Variants in FBXL17 observed in about 807,000 individuals in gnomAD.
FBXL17 encodes the protein F-box/LRR-repeat protein 17.
In FBXL17, 22 loss-of-function variants were observed where a neutral mutation model predicts 66.2. That is an observed-to-expected ratio of 0.33 (90% CI 0.24 to 0.47). The LOEUF (loss-of-function observed/expected upper bound fraction) is 0.47, where lower values mean the gene tolerates loss of function less well. FBXL17 is among the 20% of genes least tolerant of loss of function. FBXL17 has a pLI of 1.00. For missense variants in FBXL17, 878 were observed against 948.2 expected (o/e 0.93, Z 0.97); for synonymous variants, 474 against 400.5 (o/e 1.18, Z -2.19).
chr5:107,907,748 C>T (rs1321649864), intron 7 of FBXL17, among the ~76,000 whole-genome samples: 1 of 152,164 alleles, frequency 6.6e-6, no homozygotes, highest in Non-Finnish European at 1.5e-5. Context: ...CAATAAGATA[C>T]CATCTCACAC....
At chr5:108,083,116 A>G (rs1467327168) in intron 6 of FBXL17, among the ~76,000 whole-genome samples, 3 of 152,128 alleles carry the variant, frequency 2.0e-5, no homozygotes. Flanking sequence ...AAGAAGGTGT[A>G]AAATAGTAAA....
intron 7 of FBXL17, among the ~76,000 whole-genome samples, chr5:107,995,078 T>C (rs946202901): frequency 6.6e-6 from 1 of 152,178 alleles, no homozygotes; most frequent in South Asian, 2.1e-4. Context: ...TTTGTGAAGA[T>C]TCACTGAACT....
chr5:107,965,562 A>T (rs1490514429), intron 7 of FBXL17, among the ~76,000 whole-genome samples: 3 of 152,170 alleles, frequency 2.0e-5, no homozygotes, highest in African/African-American at 4.8e-5. Flanking sequence ...TCTCCAAGGT[A>T]TAGATAAGAT....
At chr5:108,222,672 CTTTT>C (rs34291617) in intron 5 of FBXL17, among the ~76,000 whole-genome samples, 5 of 117,394 alleles carry the variant, frequency 4.3e-5, no homozygotes, top group African/African-American at 6.4e-5. Context: ...ACTATGGCAT[CTTTT>C]TTTTTTTTTT....
intron 5 of FBXL17, among the ~76,000 whole-genome samples, chr5:108,200,515 TTTC>T (rs1753847730): frequency 6.6e-6 from 1 of 151,484 alleles, no homozygotes; most frequent in South Asian, 2.1e-4. Context: ...CCAAGTTTGT[TTTC>T]TTCTTTGAGC....
In FBXL17 at chr5:108,224,528, T is replaced by TACACACAC. The variant is rs138044828; in HGVS notation, c.1507-308_1507-301dup. Among the ~76,000 whole-genome samples the TACACACAC allele has an allele frequency of 2.0e-3, 297 of 147,364 alleles. 3 individuals carry two copies. Among genetic ancestry groups the TACACACAC allele is most frequent in the East Asian group, 0.015 (72 of 4,942 alleles). On this transcript the variant is annotated intron_variant, in intron 4 of 8. Transcript: ENST00000542267. ...GTGTGTGTATATATATGTATATGTATACACACACACACACACACACACACA... is the reference window on the plus strand; with the variant it reads ...GTGTGTGTATATATATGTATATGTATACACACACACACACACACACACACACACACACA...
intron 7 of FBXL17, among the ~76,000 whole-genome samples, chr5:107,999,176 G>A (rs771831544): frequency 8.5e-5 from 13 of 152,178 alleles, no homozygotes; most frequent in Non-Finnish European, 1.5e-4. Flanking sequence ...TTGCACCCCA[G>A]GTTAGTTTGC....
chr5:108,037,150 T>C (rs1471936084), intron 6 of FBXL17, among the ~76,000 whole-genome samples: 4 of 152,132 alleles, frequency 2.6e-5, no homozygotes, highest in East Asian at 1.9e-4. Context: ...GACAAAAGGA[T>C]TGAGAAGACA....
intron 4 of FBXL17, among the ~76,000 whole-genome samples, chr5:108,274,524 C>A (rs951420962): frequency 6.6e-6 from 1 of 152,110 alleles, no homozygotes; most frequent in African/African-American, 2.4e-5. Flanking sequence ...CTCAAACACA[C>A]ATGCTGTACA....
intron 6 of FBXL17, among the ~76,000 whole-genome samples, chr5:108,113,858 G>A (rs958613504): frequency 2.6e-5 from 4 of 152,154 alleles, no homozygotes; most frequent in Non-Finnish European, 5.9e-5. Flanking sequence ...TGCCAGGAAT[G>A]AAGCTGTGTG....
intron 4 of FBXL17, among the ~76,000 whole-genome samples, chr5:108,234,778 T>A (rs1755524011): frequency 1.3e-5 from 2 of 152,086 alleles, no homozygotes; most frequent in African/African-American, 4.8e-5. Context: ...AATTCAGAGG[T>A]GTTGAAGAAG....
chr5:107,964,351 A>G (rs1206059639), intron 7 of FBXL17, among the ~76,000 whole-genome samples: 1 of 152,156 alleles, frequency 6.6e-6, no homozygotes, highest in African/African-American at 2.4e-5. Context: ...AGAGCCATCA[A>G]TTATTCTCAG....
At chr5:107,949,164 C>T (rs1751412339) in intron 7 of FBXL17, among the ~76,000 whole-genome samples, 1 of 138,812 alleles carries the variant, frequency 7.2e-6, no homozygotes, top group Non-Finnish European at 1.5e-5. Flanking sequence ...TTCCACACCA[C>T]ATCTGTCAAT....
Position 108,049,912 on chromosome 5 carries a change from A to G in FBXL17, c.1746-28911T>C, listed in dbSNP as rs1177236178. Among the ~76,000 whole-genome samples the G allele has an allele frequency of 3.9e-5, 6 of 152,366 alleles. No individual in the cohort carries two copies. The East Asian group carries it at 1.2e-3, about 29-fold the overall frequency. On this transcript the variant is annotated intron_variant, in intron 6 of 8. Transcript: ENST00000542267. Reference sequence around the variant, plus strand: ...AACATTTACCAAGCAAATGGAAAGCAAAAATAAAAGGCAGGGATTGGAATC... The same window carrying G: ...AACATTTACCAAGCAAATGGAAAGCGAAAATAAAAGGCAGGGATTGGAATC...
chr5:107,988,952 CAT>C (rs1182753665), intron 7 of FBXL17, among the ~76,000 whole-genome samples: 1 of 152,014 alleles, frequency 6.6e-6, no homozygotes, highest in Non-Finnish European at 1.5e-5. Flanking sequence ...TACTTTAACT[CAT>C]ATCATGGCTA....
intron 8 of FBXL17, chr5:107,878,508 T>C (rs1748681201): frequency 1.3e-6 from 1 of 775,310 alleles, no homozygotes; most frequent in Non-Finnish European, 1.6e-6. Flanking sequence ...GGTTAGTAAC[T>C]GCCCGCGGTG....
At chr5:107,864,328 A>G (rs966865217) in intron 8 of FBXL17, among the ~76,000 whole-genome samples, 1 of 152,234 alleles carries the variant, frequency 6.6e-6, no homozygotes, top group Non-Finnish European at 1.5e-5. Context: ...TGTTAACATT[A>G]GTTGTAATGT....
At chr5:108,357,899 T>A (rs1748103990) in intron 3 of FBXL17, among the ~76,000 whole-genome samples, 2 of 152,076 alleles carry the variant, frequency 1.3e-5, no homozygotes, top group African/African-American at 4.8e-5. Flanking sequence ...CATCAAAATT[T>A]ATGAGATCCA....
chr5:108,068,648 G>A (rs970675767), intron 6 of FBXL17, among the ~76,000 whole-genome samples: 5 of 151,888 alleles, frequency 3.3e-5, no homozygotes, highest in African/African-American at 7.3e-5. Flanking sequence ...TAGTAGAGAC[G>A]GGGTTTCACG....
Sources: gnomAD v4.1 joint callset for allele counts (sites outside exome capture counted in the v4.1 genomes callset) on GRCh38, gnomAD v4.1.1 for gene constraint, MANE v1.5 for transcripts, NCBI Gene and HGNC (gene_info 2026-07-23, HGNC 2026-07-21) for gene names.